Variants in STPG2 observed in about 807,000 individuals in gnomAD.
STPG2 encodes the protein sperm-tail PG-rich repeat-containing protein 2.
In STPG2, 56 loss-of-function variants were observed where a neutral mutation model predicts 54.2. The observed-to-expected ratio is 1.03, with a 90% confidence interval of 0.83 to 1.29. The LOEUF (loss-of-function observed/expected upper bound fraction) is 1.29. STPG2 is among the 50% of genes most tolerant of loss of function. The pLI is 0.00. For missense variants in STPG2, 596 were observed against 544.9 expected, an observed-to-expected ratio of 1.09 and a Z score of -0.93; for synonymous variants, 200 against 181.8, an observed-to-expected ratio of 1.10 and a Z score of -0.81.
In STPG2 at chr4:97,463,974, G is replaced by A. The variant is rs115743149; in HGVS notation, c.462+248725C>T. 6.3e-3 allele frequency among the ~76,000 whole-genome samples: 956 copies of A among 152,158 alleles called. 5 individuals are homozygous for A. Among genetic ancestry groups the A allele is most frequent in the South Asian group, 0.021 (99 of 4,824 alleles). On this transcript the variant is annotated intron_variant, in intron 4 of 4. Transcript: ENST00000522676. ...CCTTTCTATTGCTGTATAGTATTCC[G>A]TTACATAGATGTACCAAAATTTGAT...
At chr4:97,914,854 T>C (rs1731813100) in intron 8 of STPG2, among the ~76,000 whole-genome samples, 1 of 152,228 alleles carries the variant, frequency 6.6e-6, no homozygotes, top group Non-Finnish European at 1.5e-5. Flanking sequence ...TGTCAACGTG[T>C]ACTTTCTGTT....
chr4:97,895,625 G>A (rs565366559), intron 8 of STPG2, among the ~76,000 whole-genome samples: 1 of 151,626 alleles, frequency 6.6e-6, no homozygotes, highest in Non-Finnish European at 1.5e-5. Context: ...TTTACATGCT[G>A]GCATAAGAAT....
At chr4:97,783,623 C>A (rs561014391) in intron 9 of STPG2, among the ~76,000 whole-genome samples, 18 of 152,306 alleles carry the variant, frequency 1.2e-4, no homozygotes, top group Non-Finnish European at 2.5e-4. Flanking sequence ...GGCACATTCA[C>A]ATATATGTTT....
intron 10 of STPG2, 30 bp downstream of exon 10, chr4:97,712,669 G>T: frequency 2.1e-6 from 3 of 1,439,642 alleles, no homozygotes; most frequent in South Asian, 1.4e-5. Flanking sequence ...CTATTCTTGT[G>T]TCACTGTTAA....
At chr4:98,135,473 T>C (rs1024058308) in intron 1 of STPG2, among the ~76,000 whole-genome samples, 8 of 151,910 alleles carry the variant, frequency 5.3e-5, no homozygotes, top group African/African-American at 1.9e-4. Flanking sequence ...TTGAGAAAAG[T>C]ATTGAAATAA....
intron 10 of STPG2, among the ~76,000 whole-genome samples, chr4:97,593,502 C>A (rs2148900085): frequency 1.3e-5 from 2 of 152,262 alleles, no homozygotes; most frequent in Middle Eastern, 3.4e-3. Flanking sequence ...ATGCCAACAA[C>A]CCCACCTCCC....
chr4:97,630,985 A>C (rs919505809), intron 10 of STPG2, among the ~76,000 whole-genome samples: 2 of 151,982 alleles, frequency 1.3e-5, no homozygotes, highest in African/African-American at 4.8e-5. Flanking sequence ...ATCAGATAAG[A>C]AGCAAAGACT....
intron 4 of STPG2, among the ~76,000 whole-genome samples, chr4:97,503,993 A>T (rs1347135893): frequency 1.4e-5 from 2 of 142,570 alleles, no homozygotes; most frequent in Non-Finnish European, 3.1e-5. Flanking sequence ...TAAATATTTT[A>T]AAAATATATT....
At chr4:97,942,462 T>C (rs1270851690) in intron 8 of STPG2, among the ~76,000 whole-genome samples, 1 of 150,564 alleles carries the variant, frequency 6.6e-6, no homozygotes, top group Non-Finnish European at 1.5e-5. Context: ...ATCTACTACA[T>C]GTAAAGAATA....
chr4:97,526,763 T>G (rs1206016547), intron 4 of STPG2, among the ~76,000 whole-genome samples: 1 of 152,140 alleles, frequency 6.6e-6, no homozygotes, highest in Non-Finnish European at 1.5e-5. Flanking sequence ...GCCTATGTCC[T>G]GAATGGTATT....
Position 97,562,581 on chromosome 4 carries a change from T to C in STPG2, c.1321-3464A>G, listed in dbSNP as rs193003830. Among the ~76,000 whole-genome samples the C allele has an allele frequency of 2.3e-3, 350 of 152,344 alleles. 3 individuals carry two copies. In the Middle Eastern group the frequency reaches 0.034, roughly 15 times the overall value. On this transcript the variant is annotated intron_variant, in intron 10 of 10. Transcript: ENST00000295268. ...CAGTATGATATTGGCTGTGGGTTTG[T>C]CATAGATAGCTGTTATTATTTTGAG...
intron 5 of STPG2, among the ~76,000 whole-genome samples, chr4:98,072,229 A>G (rs964096261): frequency 6.6e-6 from 1 of 152,250 alleles, no homozygotes; most frequent in Non-Finnish European, 1.5e-5. Context: ...CTACACAGCC[A>G]TAAAAAGGAA....
At chr4:97,803,978 G>T (rs760637134) in intron 9 of STPG2, among the ~76,000 whole-genome samples, 2 of 152,178 alleles carry the variant, frequency 1.3e-5, no homozygotes, top group Non-Finnish European at 2.9e-5. Context: ...CTGGTTGGGA[G>T]GCTGCTTTCC....
rs951608706 is a variant in STPG2 at position 97,669,522 on chromosome 4, C to T, written c.1320+43177G>A. Among the ~76,000 whole-genome samples, 7 of 26,360 alleles carry T rather than the reference C, an allele frequency of 2.7e-4. 2 individuals are homozygous for T. Among genetic ancestry groups the T allele is most frequent in the South Asian group, 1.9e-3 (1 of 536 alleles). The allele number at this position is 26,360 out of a possible 152,430, so 17.3% of individuals were successfully genotyped here. ...TCTTTGAAAGTTTATTGCGGCCGGGCGCGGTGGCTCACGCCTGTAATCCCA... is the reference window on the plus strand; with the variant it reads ...TCTTTGAAAGTTTATTGCGGCCGGGTGCGGTGGCTCACGCCTGTAATCCCA... On this transcript the variant is annotated intron_variant, in intron 10 of 10. Transcript: ENST00000295268.
chr4:97,991,613 G>C (rs1403125503), intron 5 of STPG2, among the ~76,000 whole-genome samples: 1 of 151,946 alleles, frequency 6.6e-6, no homozygotes, highest in Non-Finnish European at 1.5e-5. Flanking sequence ...CCTCTGGGTA[G>C]ATACCCAGTA....
intron 4 of STPG2, among the ~76,000 whole-genome samples, chr4:97,448,289 T>C (rs1486937596): frequency 1.3e-5 from 2 of 152,108 alleles, no homozygotes; most frequent in Non-Finnish European, 2.9e-5. Context: ...CTGAAGTAAG[T>C]GTTTGGGGGA....
intron 8 of STPG2, among the ~76,000 whole-genome samples, chr4:97,933,647 C>T (rs1000158427): frequency 2.6e-5 from 4 of 152,130 alleles, no homozygotes; most frequent in Admixed American, 6.6e-5. Context: ...CTGTTTTTGT[C>T]AGGTTTGTCA....
intron 9 of STPG2, among the ~76,000 whole-genome samples, chr4:97,772,091 T>C (rs1726239047): frequency 6.6e-6 from 1 of 152,122 alleles, no homozygotes. Flanking sequence ...AAACACAACA[T>C]CATGCTCATT....
At chr4:97,509,586 C>T (rs1354757491) in intron 4 of STPG2, among the ~76,000 whole-genome samples, 1 of 152,008 alleles carries the variant, frequency 6.6e-6, no homozygotes, top group Non-Finnish European at 1.5e-5. Context: ...AATCTAAAAA[C>T]AAAGCCTTTT....
Sources: allele counts gnomAD v4.1 joint callset (sites outside exome capture counted in the v4.1 genomes callset), GRCh38; gene constraint gnomAD v4.1.1; transcripts MANE v1.5; gene names NCBI Gene and HGNC (gene_info 2026-07-23, HGNC 2026-07-21).